The following ENTPD4 variants were observed in gnomAD, a reference collection of about 807,000 sequenced individuals.
ENTPD4 encodes ectonucleoside triphosphate diphosphohydrolase 4, also known as Golgi UDPase.
In ENTPD4, 60 loss-of-function variants were observed where a neutral mutation model predicts 79.1. The ratio of observed to expected loss-of-function variants is 0.76; its 90% CI spans 0.62 to 0.94. The LOEUF is 0.94. ENTPD4 is among the 40% of genes least tolerant of loss of function. The probability of loss-of-function intolerance (pLI) is 0.00; values close to 1 mark genes in which losing one functional copy is unlikely to be tolerated. For missense variants in ENTPD4, 772 were observed against 775.1 expected, an observed-to-expected ratio of 1.00 and a Z score of 0.05; for synonymous variants, 276 against 292.0, an observed-to-expected ratio of 0.95 and a Z score of 0.56.
rs1266343813 is a variant in ENTPD4 at position 23,433,041 on chromosome 8, A to G, written c.1736T>C (p.Leu579Pro). The G allele has an allele frequency of 1.2e-6, 2 of 1,614,182 alleles. No homozygotes were observed. Among genetic ancestry groups the G allele is most frequent in the South Asian group, 2.2e-5 (2 of 91,080 alleles). The change falls in exon 13 of 13, where the codon CTG becomes CCG. Residue 579 changes from leucine to proline, a missense_variant. Transcript: ENST00000358689. ...GCFLVVLLAI[L>P]LYLLRLRRIH... ...GCGCCGCAGCCGCAGCAGGTACAGC[A>G]GGATGGCCAGCAGCACCACCAGGAA...
At chr8:23,441,956 G>C (rs1042394945) in intron 7 of ENTPD4, 51 bp downstream of exon 7, 1 of 1,510,822 alleles carries the variant, frequency 6.6e-7, no homozygotes, top group African/African-American at 1.4e-5. Flanking sequence ...GGATTAAACA[G>C]AAAAGCACCA....
rs548352987 is a variant in ENTPD4, at chr8:23,446,536, C to T, written c.412+1144G>A. Among the ~76,000 whole-genome samples, 3 of 152,276 alleles carry T rather than the reference C, an allele frequency of 2.0e-5. No individual in the cohort carries two copies. The East Asian group carries it at 5.8e-4, about 29-fold the overall frequency. On this transcript the variant is annotated intron_variant, in intron 4 of 12. Coordinates refer to ENST00000358689, the MANE Select transcript of ENTPD4 (RefSeq NM_004901.5). ...TAATCTTTGTTCATGGAAATGTACT[C>T]TGATAAAATAATGCTGGTATACAGA...
At position 23,432,650 on chromosome 8, in the gene ENTPD4, C is replaced by G. The variant is rs185704643; in HGVS notation, c.*276G>C. 1.0e-4 allele frequency: 70 copies of G among 682,834 alleles called. 1 individual carries two copies. The East Asian group carries it at 2.4e-3, about 24-fold the overall frequency. The allele number at this position is 682,834 out of a possible 1,614,324, so 42.3% of individuals were successfully genotyped here. A position where few individuals can be genotyped will look rare whatever the true frequency, so the allele number is the denominator to read the frequency against. On this transcript the variant is annotated 3_prime_UTR_variant, in exon 13 of 13. Transcript: ENST00000358689. ...AGTAGCTGGGACTACGGGCGCCCGC[C>G]ACCACACCCAGCTAATTTTTTGTAT...
chr8:23,434,121 G>C, intron 12 of ENTPD4, 196 bp downstream of exon 12: 1 of 632,792 alleles, frequency 1.6e-6, no homozygotes, highest in East Asian at 2.8e-5. Flanking sequence ...GTGTATTACG[G>C]GATGGTAGGG....
chr8:23,457,290 G>C (rs1230392374), intron 1 of ENTPD4, among the ~76,000 whole-genome samples: 1 of 151,490 alleles, frequency 6.6e-6, no homozygotes, highest in Non-Finnish European at 1.5e-5. Context: ...CGAGGCGCGC[G>C]ACCGCCAGGT....
Position 23,449,977 on chromosome 8 carries a change from C to G in ENTPD4, c.-77G>C. 1 of 1,599,302 alleles carries G rather than the reference C, an allele frequency of 6.3e-7. No individual in the cohort carries two copies. The highest frequency in any genetic ancestry group is 1.7e-5 in the Admixed American group (1 of 59,950). ...ACAATTATAGAAATAATGCTGGGGT[C>G]CTCACGGAGTTAGAGCCCTCCTGTT... On this transcript the variant is annotated 5_prime_UTR_variant, in exon 2 of 13. Coordinates refer to ENST00000358689, the MANE Select transcript of ENTPD4 (RefSeq NM_004901.5).
In ENTPD4 at chr8:23,430,075, G is replaced by A; in HGVS notation, c.*2851C>T. On this transcript the variant is annotated 3_prime_UTR_variant, in exon 13 of 13. Transcript: ENST00000358689. ...CTGCTACAAGTACACAGAATTTACT[G>A]CCTTCTTGGTCAGCTCTTGGTATGA... The A allele has an allele frequency of 1.0e-6, 1 of 985,444 alleles. No homozygotes were observed. Among genetic ancestry groups the A allele is most frequent in the Non-Finnish European group, 1.2e-6 (1 of 829,934 alleles). The allele number at this position is 985,444 out of a possible 1,614,324, so 61.0% of individuals were successfully genotyped here.
Position 23,434,439 on chromosome 8 carries a change from A to G in ENTPD4, c.1500T>C (p.Phe500=), listed in dbSNP as rs781686750. 2 of 1,614,042 alleles carry G rather than the reference A, an allele frequency of 1.2e-6. No homozygotes were observed. Among genetic ancestry groups the G allele is most frequent in the Admixed American group, 1.7e-5 (1 of 60,004 alleles). ...CFKSAWMFEV[F]HRGFSFPVNY... is the part of the protein sequence containing the mutation. ...TGACAGGAAACGAAAAGCCCCTATG[A>G]AACACCTCAAACATCCAGGCCGATT... Residue 500 remains phenylalanine, a synonymous_variant, in exon 12 of 13, where the codon TTT becomes TTC. Coordinates refer to ENST00000358689, the MANE Select transcript of ENTPD4 (RefSeq NM_004901.5).
rs758682327 is a variant in ENTPD4, at chr8:23,437,047, T to C, written c.1261A>G (p.Ile421Val). The change falls in exon 10 of 13, where the codon ATT becomes GTT. Residue 421 changes from isoleucine to valine, a missense_variant. Transcript: ENST00000358689. ...TSLNGVYQPP[I>V]HFQNSEFYGF... ...TAGAATTCACTGTTCTGGAAGTGAA[T>C]TGGGGGCTGGTAGACCCCATTGAGG... 2.2e-5 allele frequency: 36 copies of C among 1,614,024 alleles called. No homozygotes were observed. The highest frequency in any genetic ancestry group is 1.6e-4 in the Middle Eastern group (1 of 6,084).
chr8:23,451,747 G>A (rs992711433), intron 1 of ENTPD4, among the ~76,000 whole-genome samples: 3 of 152,104 alleles, frequency 2.0e-5, no homozygotes, highest in Non-Finnish European at 4.4e-5. Flanking sequence ...CTCTCAACTT[G>A]TTGCCCCCTC....
Position 23,435,432 on chromosome 8 carries a change from G to C in ENTPD4, c.1420C>G (p.Arg474Gly). The change falls in exon 11 of 13, where the codon CGA (arginine) becomes GGA (glycine). Residue 474 changes from arginine to glycine, a missense_variant. Physicochemically the swap from Arg to Gly is moderately radical, Grantham distance 125. Coordinates refer to ENST00000358689, the MANE Select transcript of ENTPD4 (RefSeq NM_004901.5). Reference protein sequence around the residue: ...KWSILRERFDRGLYASHADLH... With the variant: ...KWSILRERFDGGLYASHADLH... ...TCAGCATGAGAGGCGTACAGTCCTCGGTCAAAGCGTTCCCGCAAAATGGAC... is the reference window on the plus strand; with the variant it reads ...TCAGCATGAGAGGCGTACAGTCCTCCGTCAAAGCGTTCCCGCAAAATGGAC... The C allele has an allele frequency of 6.2e-7, 1 of 1,613,974 alleles. No homozygotes were observed. The highest frequency in any genetic ancestry group is 1.1e-5 in the South Asian group (1 of 91,054).
At position 23,430,860 on chromosome 8, in the gene ENTPD4, T is replaced by G. The variant is rs1800441921; in HGVS notation, c.*2066A>C. ...GCCTCCACCAATAATCCATGGCTCC[T>G]CCAGGAAGTGTCGCAGGCAGGTGGC... On this transcript the variant is annotated 3_prime_UTR_variant, in exon 13 of 13. Transcript: ENST00000358689. The G allele has an allele frequency of 1.0e-6, 1 of 983,380 alleles. No individual in the cohort carries two copies. The highest frequency in any genetic ancestry group is 1.2e-6 in the Non-Finnish European group (1 of 830,022). The allele number at this position is 983,380 out of a possible 1,614,324, so 60.9% of individuals were successfully genotyped here. A position where few individuals can be genotyped will look rare whatever the true frequency, so the allele number is the denominator to read the frequency against.
At chr8:23,436,117 T>C (rs1014486319) in intron 10 of ENTPD4, among the ~76,000 whole-genome samples, 5 of 152,128 alleles carry the variant, frequency 3.3e-5, no homozygotes, top group African/African-American at 1.2e-4. Flanking sequence ...GGGCTCGGCA[T>C]AGGCACTTCA....
In ENTPD4 at chr8:23,448,859, T is replaced by A; in HGVS notation, c.89A>T (p.Asn30Ile). 6.2e-7 allele frequency: 1 copy of A among 1,614,064 alleles called. No individual in the cohort carries two copies. Among genetic ancestry groups the A allele is most frequent in the Non-Finnish European group, 8.5e-7 (1 of 1,179,956 alleles). ...PVGCPRILNT[N>I]LRQIMVISVL... ...ACTAATGACCATAATTTGGCGTAAA[T>A]TGGTATTCAGAATTCGAGGACACCC... Residue 30 changes from asparagine (N) to isoleucine (I), a missense_variant, in exon 3 of 13, where the codon AAT becomes ATT. Physicochemically the swap from Asn to Ile is moderately radical, Grantham distance 149 (BLOSUM62 -3). Transcript: ENST00000358689.
rs1438998089 is a variant in ENTPD4 at position 23,455,661 on chromosome 8, C to CT, written c.-98+1895dup. Among the ~76,000 whole-genome samples, 9 of 152,280 alleles carry CT rather than the reference C, an allele frequency of 5.9e-5. No homozygotes were observed. In the South Asian group the frequency reaches 1.0e-3, roughly 18 times the overall value. On this transcript the variant is annotated intron_variant, in intron 1 of 12. Transcript: ENST00000358689. ...AATTCTGGTTCCCATTTTAAGTAGT[C>CT]TTTTTCTGGTCACTTTTCCTGAATT...
In ENTPD4 at chr8:23,431,995, C is replaced by T. The variant is rs1365289866; in HGVS notation, c.*931G>A. On this transcript the variant is annotated 3_prime_UTR_variant, in exon 13 of 13. Coordinates refer to ENST00000358689, the MANE Select transcript of ENTPD4 (RefSeq NM_004901.5). ...AGAACCAGCATTGCCTCCCCTCACG[C>T]TGGTTTCTTGGGATTTTTCACACAC... The T allele has an allele frequency of 1.0e-6, 1 of 985,232 alleles. No homozygotes were observed. Among genetic ancestry groups the T allele is most frequent in the Admixed American group, 6.2e-5 (1 of 16,254 alleles). 61.0% of individuals were successfully genotyped at this position (985,232 alleles called of 1,614,324 possible). A position where few individuals can be genotyped will look rare whatever the true frequency, so the allele number is the denominator to read the frequency against.
intron 4 of ENTPD4, among the ~76,000 whole-genome samples, chr8:23,444,995 G>A (rs575673948): frequency 7.9e-4 from 120 of 152,234 alleles, no homozygotes; most frequent in African/African-American, 2.8e-3. Context: ...TAGCCTCCAG[G>A]TGAGCGTGGG....
chr8:23,432,432 C>T lies in ENTPD4; in HGVS notation c.*494G>A. ...ATCAAGTGAATTTCCCTCTTCCCCA[C>T]TCCTCAATTTAATGCTGTACTCAAA... On this transcript the variant is annotated 3_prime_UTR_variant, in exon 13 of 13. Transcript: ENST00000358689. 4 of 985,630 alleles carry T rather than the reference C, an allele frequency of 4.1e-6. No individual in the cohort carries two copies. Among genetic ancestry groups the T allele is most frequent in the Non-Finnish European group, 4.8e-6 (4 of 830,146 alleles). The allele number at this position is 985,630 out of a possible 1,614,324, so 61.1% of individuals were successfully genotyped here. A position where few individuals can be genotyped will look rare whatever the true frequency, so the allele number is the denominator to read the frequency against.
rs757346894 is a variant in ENTPD4, at chr8:23,448,842, C to T, written c.106G>A (p.Val36Ile). The T allele has an allele frequency of 2.5e-6, 4 of 1,613,928 alleles. No homozygotes were observed. Among genetic ancestry groups the T allele is most frequent in the South Asian group, 2.2e-5 (2 of 91,092 alleles). ...ACAGCAGCAGCCAGGACACTAATGACCATAATTTGGCGTAAATTGGTATTC... is the reference window on the plus strand; with the variant it reads ...ACAGCAGCAGCCAGGACACTAATGATCATAATTTGGCGTAAATTGGTATTC... ...ILNTNLRQIM[V>I]ISVLAAAVSL... The change falls in exon 3 of 13, where the codon GTC becomes ATC. Residue 36 changes from valine (V) to isoleucine (I), a missense_variant. Transcript: ENST00000358689.
Sources: gnomAD v4.1 joint callset for allele counts (sites outside exome capture counted in the v4.1 genomes callset) on GRCh38, gnomAD v4.1.1 for gene constraint, MANE v1.5 for transcripts, NCBI Gene and HGNC (gene_info 2026-07-23, HGNC 2026-07-21) for gene names.